The following MAPKAP1 variants were observed in gnomAD, a reference collection of about 807,000 sequenced individuals.
The protein encoded by MAPKAP1 is MAPK associated protein 1.
Under a neutral mutation model 65.7 loss-of-function variants are expected in MAPKAP1, and 20 were observed. The observed-to-expected ratio is 0.30, with a 90% confidence interval of 0.21 to 0.44. MAPKAP1 has a LOEUF of 0.44. MAPKAP1 is among the 20% of genes least tolerant of loss of function. The probability of loss-of-function intolerance (pLI) is 1.00; values close to 1 mark genes in which losing one functional copy is unlikely to be tolerated. For synonymous variants in MAPKAP1, 222 were observed against 244.3 expected (o/e 0.91, Z 0.85); for missense variants, 423 against 648.0 (o/e 0.65, Z 3.77).
At position 125,595,499 on chromosome 9, in the gene MAPKAP1, AAATC is replaced by A; in HGVS notation, c.499-9776_499-9773del. 1 of 1,073,232 alleles carries A rather than the reference AAATC, an allele frequency of 9.3e-7. No homozygotes were observed. The allele number at this position is 1,073,232 out of a possible 1,614,324, so 66.5% of individuals were successfully genotyped here. A position where few individuals can be genotyped will look rare whatever the true frequency, so the allele number is the denominator to read the frequency against. On this transcript the variant is annotated intron_variant, in intron 4 of 11. Transcript: ENST00000265960. This position sits in a 1 kb window ranked among gnomAD's most constrained non-coding sequence, Gnocchi z 4.0. The stretch of plus-strand genomic sequence containing the variant: ...GCTGCTTATCATAAAATTAATTTCA[AAATC>A]ATATACCTGATAGTTTCCAAAGTAG...
intron 8 of MAPKAP1, among the ~76,000 whole-genome samples, chr9:125,505,430 A>C (rs1829111111): frequency 6.6e-6 from 1 of 152,132 alleles, no homozygotes; most frequent in Admixed American, 6.5e-5. Context: ...GTCTCAAAAA[A>C]AAAAGAGTTT....
intron 10 of MAPKAP1, among the ~76,000 whole-genome samples, chr9:125,463,091 T>G (rs992687724): frequency 7.2e-5 from 11 of 152,260 alleles, no homozygotes; most frequent in Non-Finnish European, 1.6e-4. Context: ...TCATTAATCT[T>G]CTTGCCATCT....
chr9:125,577,787 C>T (rs1297904770), intron 5 of MAPKAP1, among the ~76,000 whole-genome samples: 4 of 145,602 alleles, frequency 2.7e-5, no homozygotes, highest in African/African-American at 7.6e-5. Context: ...CCGGGCCAGC[C>T]GCCCCGTCCA....
At chr9:125,651,325 T>C (rs535855560) in intron 4 of MAPKAP1, among the ~76,000 whole-genome samples, 6 of 152,152 alleles carry the variant, frequency 3.9e-5, no homozygotes, top group Admixed American at 3.9e-4. Context: ...AGTATGTAGG[T>C]TGGACGCAGT....
chr9:125,525,165 A>G (rs1829726930), intron 7 of MAPKAP1, among the ~76,000 whole-genome samples: 1 of 152,224 alleles, frequency 6.6e-6, no homozygotes, highest in Middle Eastern at 3.2e-3. Flanking sequence ...GAGTCTGACT[A>G]GGTTTCATGA....
At position 125,595,945 on chromosome 9, in the gene MAPKAP1, A is replaced by T; in HGVS notation, c.499-10218T>A. ...CCAAAGAGAGCTGTCTCAAGAGAAG[A>T]TTCTCAAAGACCAGGTGCCCACTTA... On this transcript the variant is annotated intron_variant, in intron 4 of 11. Coordinates refer to ENST00000265960, the MANE Select transcript of MAPKAP1 (RefSeq NM_001006617.3). This position sits in a 1 kb window ranked among gnomAD's most constrained non-coding sequence, Gnocchi z 4.0. The T allele has an allele frequency of 7.0e-7, 1 of 1,421,038 alleles. No homozygotes were observed. The highest frequency in any genetic ancestry group is 9.8e-7 in the Non-Finnish European group (1 of 1,019,744). The allele number at this position is 1,421,038 out of a possible 1,614,324, so 88.0% of individuals were successfully genotyped here. A position where few individuals can be genotyped will look rare whatever the true frequency, so the allele number is the denominator to read the frequency against.
At chr9:125,532,543 G>A (rs533070613) in intron 7 of MAPKAP1, among the ~76,000 whole-genome samples, 19 of 152,244 alleles carry the variant, frequency 1.2e-4, no homozygotes, top group East Asian at 1.9e-4. Flanking sequence ...CTGTCTCAAC[G>A]GCCTCCTCAG....
rs1193952680 is a variant in MAPKAP1 at position 125,437,465 on chromosome 9, T to C, written c.*1422A>G. The C allele has an allele frequency of 6.6e-6, 1 of 152,592 alleles. No individual in the cohort carries two copies. The highest frequency in any genetic ancestry group is 1.5e-5 in the Non-Finnish European group (1 of 68,042). The allele number at this position is 152,592 out of a possible 1,614,324, so 9.5% of individuals were successfully genotyped here. On this transcript the variant is annotated 3_prime_UTR_variant, in exon 12 of 12. Transcript: ENST00000265960. ...ATGTCACAAGATTTAATGACCAAATTAGTCATTTACATTTTTCAAAGTATC... is the reference window on the plus strand; with the variant it reads ...ATGTCACAAGATTTAATGACCAAATCAGTCATTTACATTTTTCAAAGTATC...
chr9:125,585,806 G>C lies in MAPKAP1; in HGVS notation c.499-79C>G. On this transcript the variant is annotated intron_variant, in intron 4 of 11. Transcript: ENST00000265960. Reference sequence around the variant, plus strand: ...CCACTGCTCTCCAGGCCTGTGGGCAGCACAGCCATTTTTCATCCTTGCTCT... The same window carrying C: ...CCACTGCTCTCCAGGCCTGTGGGCACCACAGCCATTTTTCATCCTTGCTCT... 4.4e-6 allele frequency: 6 copies of C among 1,376,616 alleles called. No individual in the cohort carries two copies. The South Asian group carries it at 7.8e-5, about 18-fold the overall frequency. 85.3% of individuals were successfully genotyped at this position (1,376,616 alleles called of 1,614,324 possible).
At chr9:125,599,056 T>G (rs963326698) in intron 4 of MAPKAP1, among the ~76,000 whole-genome samples, 1 of 151,214 alleles carries the variant, frequency 6.6e-6, no homozygotes, top group Admixed American at 6.6e-5. Context: ...AAAGACTTCA[T>G]GTAAAGCACT....
chr9:125,573,364 C>T (rs528472229), intron 5 of MAPKAP1, among the ~76,000 whole-genome samples: 1 of 152,274 alleles, frequency 6.6e-6, no homozygotes, highest in East Asian at 1.9e-4. Flanking sequence ...CTGCTACACT[C>T]CCACCAGTGC....
chr9:125,481,417 T>A (rs1407384865), intron 9 of MAPKAP1, among the ~76,000 whole-genome samples: 3 of 152,174 alleles, frequency 2.0e-5, no homozygotes, highest in African/African-American at 4.8e-5. Flanking sequence ...GTTGGGCTAC[T>A]TATTGGGCTT....
At chr9:125,488,898 A>G (rs1163334925) in intron 8 of MAPKAP1, among the ~76,000 whole-genome samples, 2 of 152,260 alleles carry the variant, frequency 1.3e-5, no homozygotes, top group Non-Finnish European at 2.9e-5. Context: ...CTAAAGACAA[A>G]TACCTGAAGC....
intron 5 of MAPKAP1, among the ~76,000 whole-genome samples, chr9:125,566,206 T>C (rs1831046324): frequency 6.6e-6 from 1 of 152,188 alleles, no homozygotes; most frequent in African/African-American, 2.4e-5. Context: ...GCATTGTGTA[T>C]GGACTGAGGA....
At chr9:125,664,748 A>G (rs1834292372) in intron 3 of MAPKAP1, among the ~76,000 whole-genome samples, 1 of 138,344 alleles carries the variant, frequency 7.2e-6, no homozygotes, top group African/African-American at 2.6e-5. Flanking sequence ...AAAGGAAAAG[A>G]AAAAGAACGG....
intron 6 of MAPKAP1, among the ~76,000 whole-genome samples, chr9:125,553,879 A>T (rs1306465568): frequency 2.0e-5 from 3 of 152,014 alleles, no homozygotes; most frequent in African/African-American, 7.2e-5. Flanking sequence ...TCTACAAAAA[A>T]TACAAAAAGT....
chr9:125,702,858 A>C (rs1160638775), intron 1 of MAPKAP1, among the ~76,000 whole-genome samples: 2 of 151,938 alleles, frequency 1.3e-5, no homozygotes, highest in African/African-American at 4.8e-5. Context: ...GTCTCAAAAA[A>C]AGAAAAAAAA....
At chr9:125,459,995 A>G (rs1256177549) in intron 10 of MAPKAP1, among the ~76,000 whole-genome samples, 1 of 151,188 alleles carries the variant, frequency 6.6e-6, no homozygotes, top group Non-Finnish European at 1.5e-5. Flanking sequence ...TTATGAAAAC[A>G]CAATTTGGAG....
rs551606132 is a variant in MAPKAP1, at chr9:125,622,224, G to A, written c.498+35427C>T. Among the ~76,000 whole-genome samples, 5 of 152,230 alleles carry A rather than the reference G, an allele frequency of 3.3e-5. No homozygotes were observed. In the East Asian group the frequency reaches 9.6e-4, roughly 29 times the overall value. On this transcript the variant is annotated intron_variant, in intron 4 of 11. Transcript: ENST00000265960. ...AGCTCTGGTGTTCTGCAGCACTGTA[G>A]GGTAAGTGGTTAATTATAATTTATT...
Sources: gnomAD v4.1 joint callset for allele counts (sites outside exome capture counted in the v4.1 genomes callset) on GRCh38, gnomAD v4.1.1 for gene constraint, Gnocchi (gnomAD v3.1) non-coding constraint, MANE v1.5 for transcripts, NCBI Gene and HGNC (gene_info 2026-07-23, HGNC 2026-07-21) for gene names.